KCNN2: variants seen among roughly 807,000 people sequenced by gnomAD.
The protein encoded by KCNN2 is potassium calcium-activated channel subfamily N member 2, also known as small conductance calcium-activated potassium channel protein 2.
In KCNN2, 24 loss-of-function variants were observed where a neutral mutation model predicts 55.5. The observed-to-expected ratio is 0.43, with a 90% CI of 0.31 to 0.61. KCNN2 has a LOEUF of 0.61. KCNN2 is among the 20% of genes least tolerant of loss of function. The pLI is 0.08. For synonymous variants in KCNN2, 431 were observed against 336.1 expected, an observed-to-expected ratio of 1.28 and a Z score of -3.09; for missense variants, 754 against 853.6, an observed-to-expected ratio of 0.88 and a Z score of 1.45.
intron 1 of KCNN2, among the ~76,000 whole-genome samples, chr5:114,119,240 G>A (rs998845499): frequency 2.0e-5 from 3 of 152,148 alleles, no homozygotes; most frequent in South Asian, 2.1e-4. Flanking sequence ...GCCACTGACT[G>A]TTCTCACTAC....
chr5:114,329,261 G>T (rs187282210), intron 2 of KCNN2, among the ~76,000 whole-genome samples: 117 of 152,328 alleles, frequency 7.7e-4, no homozygotes, highest in Non-Finnish European at 1.2e-3. Context: ...TGGATTGAAG[G>T]ATGCAAAGCA....
chr5:114,131,924 C>T (rs568064905), intron 1 of KCNN2, among the ~76,000 whole-genome samples: 1 of 152,258 alleles, frequency 6.6e-6, no homozygotes, highest in South Asian at 2.1e-4. Flanking sequence ...ACATAAATGT[C>T]TTCTTTTAAA....
intron 1 of KCNN2, among the ~76,000 whole-genome samples, chr5:114,199,110 A>T (rs1167778427): frequency 6.6e-6 from 1 of 152,020 alleles, no homozygotes; most frequent in Non-Finnish European, 1.5e-5. Flanking sequence ...ATGCTTTGAT[A>T]TTGGGTGCAT....
At chr5:114,221,675 C>T (rs1754141681) in intron 2 of KCNN2, among the ~76,000 whole-genome samples, 1 of 152,136 alleles carries the variant, frequency 6.6e-6, no homozygotes, top group Admixed American at 6.6e-5. Flanking sequence ...AACTATCTGC[C>T]TATAGTTTAA....
At chr5:114,106,714 A>T (rs1482813696) in intron 1 of KCNN2, among the ~76,000 whole-genome samples, 4 of 117,840 alleles carry the variant, frequency 3.4e-5, no homozygotes, top group Admixed American at 9.7e-5. Flanking sequence ...GCATACTTTT[A>T]CTCATTTAAA....
intron 1 of KCNN2, among the ~76,000 whole-genome samples, chr5:114,138,672 C>T (rs1465809510): frequency 6.6e-6 from 1 of 152,264 alleles, no homozygotes; most frequent in Middle Eastern, 3.4e-3. Flanking sequence ...TTCTCTCATA[C>T]CTGAATGAGA....
At chr5:114,302,065 C>T (rs1756177519) in intron 2 of KCNN2, among the ~76,000 whole-genome samples, 1 of 152,154 alleles carries the variant, frequency 6.6e-6, no homozygotes. Context: ...TTTTGTTCTA[C>T]CTTCCTAAAA....
chr5:114,366,667 G>A (rs1242699770), intron 2 of KCNN2, among the ~76,000 whole-genome samples: 1 of 151,988 alleles, frequency 6.6e-6, no homozygotes, highest in African/African-American at 2.4e-5. Flanking sequence ...AACTGCTCAG[G>A]CTTATGTATA....
chr5:114,258,004 A>G (rs1755016788), intron 2 of KCNN2, among the ~76,000 whole-genome samples: 1 of 151,904 alleles, frequency 6.6e-6, no homozygotes, highest in South Asian at 2.1e-4. Context: ...TATTATTTTG[A>G]ATTATGTTTC....
At chr5:114,061,315 G>C (rs1271680007) in intron 1 of KCNN2, among the ~76,000 whole-genome samples, 1 of 152,084 alleles carries the variant, frequency 6.6e-6, no homozygotes, top group Non-Finnish European at 1.5e-5. Flanking sequence ...TGAGAAGAAT[G>C]GTGTGAATAT....
intron 1 of KCNN2, among the ~76,000 whole-genome samples, chr5:114,108,783 T>G (rs916703381): frequency 6.6e-6 from 1 of 151,844 alleles, no homozygotes; most frequent in Non-Finnish European, 1.5e-5. Context: ...CAATTGACAG[T>G]GGATTGTTTT....
intron 2 of KCNN2, among the ~76,000 whole-genome samples, chr5:114,262,748 A>G (rs1339802641): frequency 1.3e-5 from 2 of 152,200 alleles, no homozygotes; most frequent in East Asian, 3.9e-4. Flanking sequence ...TTCAGTAGAT[A>G]GGATGCTTGT....
chr5:114,219,566 G>A (rs1324133933), intron 1 of KCNN2, among the ~76,000 whole-genome samples: 2 of 152,114 alleles, frequency 1.3e-5, no homozygotes, highest in African/African-American at 4.8e-5. Flanking sequence ...TCTCTCCAAT[G>A]TCCAGCTGTA....
chr5:114,454,760 G>A (rs979933952), intron 3 of KCNN2, among the ~76,000 whole-genome samples: 2 of 152,158 alleles, frequency 1.3e-5, no homozygotes, highest in African/African-American at 2.4e-5. Context: ...AGGTACGTGC[G>A]TATCCATCAT....
rs1314179957 is a variant in KCNN2 at position 114,239,612 on chromosome 5, T to G, written c.-185+18047T>G. 3.3e-5 allele frequency among the ~76,000 whole-genome samples: 5 copies of G among 152,304 alleles called. No individual in the cohort carries two copies. The East Asian group carries it at 9.7e-4, about 29-fold the overall frequency. On this transcript the variant is annotated intron_variant, in intron 2 of 10. Transcript: ENST00000512097. Reference sequence around the variant, plus strand: ...GAAGAGACAAATTAAGGTCGTTTTTTGTTTTCAACTATTTGGATCCTTTAG... The same window carrying G: ...GAAGAGACAAATTAAGGTCGTTTTTGGTTTTCAACTATTTGGATCCTTTAG...
intron 3 of KCNN2, among the ~76,000 whole-genome samples, chr5:114,410,418 T>A (rs182882282): frequency 1.3e-5 from 2 of 152,312 alleles, no homozygotes; most frequent in Admixed American, 1.3e-4. Context: ...TGTTTCTTTT[T>A]CACTGTAAGA....
intron 1 of KCNN2, among the ~76,000 whole-genome samples, chr5:114,068,557 A>G (rs1052482982): frequency 6.6e-6 from 1 of 152,198 alleles, no homozygotes; most frequent in Non-Finnish European, 1.5e-5. Context: ...GTTCTGGGGC[A>G]TACATTTCAG....
chr5:114,472,634 A>G (rs1178188921), intron 4 of KCNN2, among the ~76,000 whole-genome samples: 2 of 152,132 alleles, frequency 1.3e-5, no homozygotes, highest in East Asian at 1.9e-4. Flanking sequence ...TGCTGATCTC[A>G]TCTTAAGATT....
intron 1 of KCNN2, among the ~76,000 whole-genome samples, chr5:114,084,708 C>G (rs958478353): frequency 2.0e-5 from 3 of 151,890 alleles, no homozygotes; most frequent in Admixed American, 2.0e-4. Context: ...ATGGATCATA[C>G]TTTTGGTGTT....
Sources: allele counts gnomAD v4.1 joint callset (sites outside exome capture counted in the v4.1 genomes callset), GRCh38; gene constraint gnomAD v4.1.1; transcripts MANE v1.5; gene names NCBI Gene and HGNC (gene_info 2026-07-23, HGNC 2026-07-21).